Variants in SFMBT2 observed in about 807,000 individuals in gnomAD.
SFMBT2 encodes scm-like with four MBT domains protein 2.
SFMBT2 carries 38 observed loss-of-function variants against 110.1 expected under a neutral mutation model. That is an observed-to-expected ratio of 0.35 (90% CI 0.27 to 0.45). SFMBT2 has a LOEUF of 0.45. Among genes scored for constraint, SFMBT2 ranks in the 20% least tolerant of loss-of-function variants. The pLI is 1.00. For missense variants in SFMBT2, 1,011 were observed against 1,094.9 expected, an observed-to-expected ratio of 0.92 and a Z score of 1.08; for synonymous variants, 425 against 425.4, an observed-to-expected ratio of 1.00 and a Z score of 0.01.
intron 4 of SFMBT2, chr10:7,329,592 C>T (rs967622983): frequency 1.2e-5 from 9 of 748,254 alleles, no homozygotes; most frequent in Admixed American, 6.3e-5. Context: ...TTTGCTGATG[C>T]TCACAGATTC....
intron 4 of SFMBT2, among the ~76,000 whole-genome samples, chr10:7,288,365 C>T (rs1842164309): frequency 6.6e-6 from 1 of 152,226 alleles, no homozygotes; most frequent in African/African-American, 2.4e-5. Flanking sequence ...TGTTTGTCCA[C>T]TTTTATCACT....
chr10:7,258,180 G>A (rs770837724), intron 7 of SFMBT2, among the ~76,000 whole-genome samples: 29 of 152,054 alleles, frequency 1.9e-4, no homozygotes, highest in African/African-American at 5.6e-4. Flanking sequence ...CAATCCAACC[G>A]CCTCAGCATC....
intron 4 of SFMBT2, among the ~76,000 whole-genome samples, chr10:7,326,514 T>G (rs1843388574): frequency 6.6e-6 from 1 of 152,248 alleles, no homozygotes; most frequent in South Asian, 2.1e-4. Flanking sequence ...GGCTCTGTAT[T>G]CGTCTCTGAA....
chr10:7,381,235 G>A (rs1845414162), intron 2 of SFMBT2, among the ~76,000 whole-genome samples: 1 of 152,148 alleles, frequency 6.6e-6, no homozygotes, highest in Admixed American at 6.5e-5. Flanking sequence ...CACACTGTAT[G>A]CTTTTCTGAC....
intron 11 of SFMBT2, among the ~76,000 whole-genome samples, chr10:7,217,717 T>G (rs1352954428): frequency 6.6e-6 from 1 of 152,164 alleles, no homozygotes; most frequent in Admixed American, 6.6e-5. Context: ...GGAGCCAGTG[T>G]GTGCGGCCAT....
chr10:7,406,484 C>T (rs1846211953), intron 1 of SFMBT2, among the ~76,000 whole-genome samples: 1 of 145,556 alleles, frequency 6.9e-6, no homozygotes, highest in African/African-American at 2.5e-5. Context: ...AAAAAAAAGC[C>T]ACCTTAGCTA....
At position 7,161,782 on chromosome 10, in the gene SFMBT2, G is replaced by A. The variant is rs917416147; in HGVS notation, c.*1988C>T. 6.6e-6 allele frequency: 1 copy of A among 152,218 alleles called. No individual in the cohort carries two copies. The highest frequency in any genetic ancestry group is 2.4e-5 in the African/African-American group (1 of 41,440). The allele number at this position is 152,218 out of a possible 1,614,324, so 9.4% of individuals were successfully genotyped here. ...TAACCATTACAGAATGTTAAGAAGG[G>A]TGAGCTTGAGCAATCAAAGTTTCCA... On this transcript the variant is annotated 3_prime_UTR_variant, in exon 21 of 21. Coordinates refer to ENST00000397167, the MANE Select transcript of SFMBT2 (RefSeq NM_001387889.1).
chr10:7,374,964 CAAAT>C (rs1259486157), intron 2 of SFMBT2, among the ~76,000 whole-genome samples: 2 of 152,132 alleles, frequency 1.3e-5, no homozygotes, highest in Non-Finnish European at 2.9e-5. Flanking sequence ...AAACCCAGAG[CAAAT>C]ATTTATAGCT....
intron 15 of SFMBT2, 102 bp from the exon 16 acceptor site, chr10:7,188,835 G>A (rs947215016): frequency 2.0e-5 from 18 of 890,100 alleles, no homozygotes; most frequent in South Asian, 8.3e-5. Flanking sequence ...GGAACAGCTC[G>A]CCACTACACC....
intron 9 of SFMBT2, 92 bp downstream of exon 9, chr10:7,243,466 C>T: frequency 1.3e-6 from 1 of 791,258 alleles, no homozygotes; most frequent in African/African-American, 1.7e-5. Flanking sequence ...TTTACACAAC[C>T]AGCCTCCCCA....
chr10:7,351,226 G>A (rs573083770), intron 4 of SFMBT2, among the ~76,000 whole-genome samples: 1 of 152,292 alleles, frequency 6.6e-6, no homozygotes, highest in South Asian at 2.1e-4. Context: ...AGTTTTGTGT[G>A]TTGTTGTTTT....
In SFMBT2 at chr10:7,293,653, A is replaced by G. The variant is rs12781826; in HGVS notation, c.437-7699T>C. ...GCTAGACTGCATAATAAAGAGACCCAAAAACACAGCCACAGAGGTGCAAGC... is the reference window on the plus strand; with the variant it reads ...GCTAGACTGCATAATAAAGAGACCCGAAAACACAGCCACAGAGGTGCAAGC... On this transcript the variant is annotated intron_variant, in intron 4 of 20. Transcript: ENST00000397167. The surrounding 1 kb of genome is among the most constrained non-coding windows in gnomAD (Gnocchi z 4.6). Among the ~76,000 whole-genome samples, 1 of 152,194 alleles carries G rather than the reference A, an allele frequency of 6.6e-6. No homozygotes were observed. Among genetic ancestry groups the G allele is most frequent in the African/African-American group, 2.4e-5 (1 of 41,448 alleles).
chr10:7,395,349 C>T (rs926160467), intron 1 of SFMBT2, among the ~76,000 whole-genome samples: 1 of 152,230 alleles, frequency 6.6e-6, no homozygotes, highest in East Asian at 1.9e-4. Context: ...CCCTCCATGG[C>T]CGTCTGGCTT....
At chr10:7,200,592 A>C in intron 13 of SFMBT2, 108 bp from the exon 14 acceptor site, 1 of 852,296 alleles carries the variant, frequency 1.2e-6, no homozygotes, top group Non-Finnish European at 1.7e-6. Context: ...AATCTCAGAT[A>C]AGAGGACCAT....
intron 11 of SFMBT2, among the ~76,000 whole-genome samples, chr10:7,209,198 G>C (rs1329480417): frequency 6.6e-6 from 1 of 152,168 alleles, no homozygotes; most frequent in Non-Finnish European, 1.5e-5. Context: ...TCTATTAAAA[G>C]AATGTCCACA....
intron 2 of SFMBT2, among the ~76,000 whole-genome samples, chr10:7,375,142 T>C (rs1352990419): frequency 1.3e-5 from 2 of 152,222 alleles, no homozygotes; most frequent in Non-Finnish European, 2.9e-5. Flanking sequence ...CAGTGTTCAT[T>C]AGCAGCGATC....
At chr10:7,220,620 C>T in intron 10 of SFMBT2, 83 bp from the exon 11 acceptor site, 1 of 1,378,212 alleles carries the variant, frequency 7.3e-7, no homozygotes, top group Non-Finnish European at 1.0e-6. Flanking sequence ...GAAAGAAATG[C>T]ACGCACACGC....
At chr10:7,353,585 T>A (rs766052112) in intron 4 of SFMBT2, among the ~76,000 whole-genome samples, 1 of 152,088 alleles carries the variant, frequency 6.6e-6, no homozygotes, top group Non-Finnish European at 1.5e-5. Context: ...CTTGTTCATA[T>A]ACCCCCCATA....
chr10:7,335,653 T>C (rs1008588006), intron 4 of SFMBT2, among the ~76,000 whole-genome samples: 1 of 149,718 alleles, frequency 6.7e-6, no homozygotes, highest in African/African-American at 2.5e-5. Flanking sequence ...GAACACTTCA[T>C]ATTAACTTAG....
Sources: gnomAD v4.1 joint callset for allele counts (sites outside exome capture counted in the v4.1 genomes callset) on GRCh38, gnomAD v4.1.1 for gene constraint, Gnocchi (gnomAD v3.1) non-coding constraint, MANE v1.5 for transcripts, NCBI Gene and HGNC (gene_info 2026-07-23, HGNC 2026-07-21) for gene names.